The following ARHGEF3 variants were observed in gnomAD, a reference collection of about 807,000 sequenced individuals.
ARHGEF3 encodes the protein Rho guanine nucleotide exchange factor 3.
Under a neutral mutation model 63.2 loss-of-function variants are expected in ARHGEF3, and 28 were observed. That is an observed-to-expected ratio of 0.44 (90% confidence interval 0.33 to 0.61). ARHGEF3 has a LOEUF of 0.61. Among genes scored for constraint, ARHGEF3 ranks in the 20% least tolerant of loss-of-function variants. The pLI is 0.03. For missense variants in ARHGEF3, 533 were observed against 659.3 expected, an observed-to-expected ratio of 0.81 and a Z score of 2.10; for synonymous variants, 266 against 254.2, an observed-to-expected ratio of 1.05 and a Z score of -0.44.
chr3:57,065,895 A>G (rs1371923464), intron 1 of ARHGEF3, among the ~76,000 whole-genome samples: 1 of 152,166 alleles, frequency 6.6e-6, no homozygotes, highest in Non-Finnish European at 1.5e-5. Context: ...ACTTAGGCCC[A>G]TGAACTCTCA....
chr3:56,812,604 C>G (rs905022072), intron 4 of ARHGEF3, among the ~76,000 whole-genome samples: 2 of 152,216 alleles, frequency 1.3e-5, no homozygotes, highest in Non-Finnish European at 2.9e-5. Flanking sequence ...TCTTAACTTG[C>G]CATGCTCACA....
At chr3:56,869,111 G>A (rs1014372536) in intron 4 of ARHGEF3, among the ~76,000 whole-genome samples, 1 of 151,966 alleles carries the variant, frequency 6.6e-6, no homozygotes, top group Non-Finnish European at 1.5e-5. Context: ...TTAGTGCTGA[G>A]TAGAGGATTC....
intron 2 of ARHGEF3, among the ~76,000 whole-genome samples, chr3:56,764,944 A>G (rs1166934106): frequency 2.0e-5 from 3 of 151,862 alleles, no homozygotes; most frequent in African/African-American, 7.3e-5. Context: ...TTTAGTAGAG[A>G]CGGGGTTTCA....
rs114332392 is a variant in ARHGEF3 at position 56,754,677 on chromosome 3, G to A, written c.375+304C>T. On this transcript the variant is annotated intron_variant, in intron 3 of 9. Transcript: ENST00000296315. ...CTAAATATTTTAAAATAGTCTATAA[G>A]TTGCTAACAAAATATAACTAAAATG... is the stretch of plus-strand genomic sequence containing the variant. Among the ~76,000 whole-genome samples the A allele has an allele frequency of 4.0e-3, 613 of 152,296 alleles. 7 individuals are homozygous for A. The highest frequency in any genetic ancestry group is 0.014 in the African/African-American group (591 of 41,554).
intron 2 of ARHGEF3, among the ~76,000 whole-genome samples, chr3:56,764,205 G>C (rs545146036): frequency 6.6e-6 from 1 of 152,180 alleles, no homozygotes; most frequent in Non-Finnish European, 1.5e-5. Context: ...CTTAGGTGTA[G>C]AGAAAATATT....
At chr3:57,002,500 A>ATATATGTATGTATGT (rs1553802548) in intron 2 of ARHGEF3, among the ~76,000 whole-genome samples, 2 of 60,126 alleles carry the variant, frequency 3.3e-5, no homozygotes, top group Non-Finnish European at 6.7e-5. Flanking sequence ...TATATATGTT[A>ATATATGTATGTATGT]TATATATATA....
At chr3:57,074,295 G>A (rs561361618) in intron 1 of ARHGEF3, 21 of 1,585,218 alleles carry the variant, frequency 1.3e-5, no homozygotes, top group Non-Finnish European at 1.6e-5. Context: ...ACATCTGAGA[G>A]TCTGGCAGCT....
intron 2 of ARHGEF3, among the ~76,000 whole-genome samples, chr3:57,014,322 C>CA (rs1343253362): frequency 6.6e-6 from 1 of 152,188 alleles, no homozygotes; most frequent in East Asian, 1.9e-4. Flanking sequence ...ATCAAGAACA[C>CA]ACCGATTCTG....
intron 2 of ARHGEF3, among the ~76,000 whole-genome samples, chr3:57,024,536 G>A (rs1703392080): frequency 6.6e-6 from 1 of 152,238 alleles, no homozygotes; most frequent in African/African-American, 2.4e-5. Flanking sequence ...CGCCCAGGCT[G>A]GAGTGCAGTG....
intron 2 of ARHGEF3, among the ~76,000 whole-genome samples, chr3:56,967,767 A>AAT (rs779278107): frequency 5.5e-4 from 46 of 84,238 alleles, no homozygotes; most frequent in South Asian, 2.7e-3. Context: ...AATTATATAT[A>AAT]ATATATTATA....
chr3:56,803,263 CTG>C (rs2037739143), upstream of ARHGEF3, among the ~76,000 whole-genome samples: 1 of 151,842 alleles, frequency 6.6e-6, no homozygotes, highest in Non-Finnish European at 1.5e-5. Flanking sequence ...CAGTGAAACC[CTG>C]TGTCTACAAA....
At chr3:56,914,273 G>A (rs976454269) in intron 3 of ARHGEF3, among the ~76,000 whole-genome samples, 10 of 152,088 alleles carry the variant, frequency 6.6e-5, no homozygotes, top group African/African-American at 2.4e-4. Context: ...AATGACTTAT[G>A]GGAAAAAAAT....
chr3:56,874,985 A>G (rs2317255), intron 4 of ARHGEF3, among the ~76,000 whole-genome samples: 43,291 of 152,048 alleles, frequency 0.28, 6,408 homozygotes, highest in East Asian at 0.51. Context: ...AATTCATATT[A>G]GCCTGCTATA....
intron 4 of ARHGEF3, among the ~76,000 whole-genome samples, chr3:56,834,281 AAG>A (rs1317601353): frequency 2.0e-5 from 3 of 152,206 alleles, no homozygotes; most frequent in Non-Finnish European, 2.9e-5. Context: ...ATTAAATAAA[AAG>A]AGAGCTACTA....
chr3:57,072,469 G>A (rs1482688746), intron 1 of ARHGEF3, among the ~76,000 whole-genome samples: 3 of 151,450 alleles, frequency 2.0e-5, no homozygotes, highest in East Asian at 3.9e-4. Context: ...GGCCAGGTGC[G>A]GTGGCTCATG....
At chr3:57,061,670 G>A (rs951350514) in intron 1 of ARHGEF3, among the ~76,000 whole-genome samples, 4 of 152,160 alleles carry the variant, frequency 2.6e-5, no homozygotes, top group African/African-American at 7.2e-5. Context: ...GGAATTGCTG[G>A]ACTATATGAT....
chr3:56,780,567 C>T (rs537580993), intron 1 of ARHGEF3, among the ~76,000 whole-genome samples: 1 of 152,136 alleles, frequency 6.6e-6, no homozygotes, highest in Non-Finnish European at 1.5e-5. Flanking sequence ...TTTTCTGTTC[C>T]AGGATCTAAT....
At chr3:56,796,920 C>T (rs1254832674) in intron 1 of ARHGEF3, among the ~76,000 whole-genome samples, 2 of 152,154 alleles carry the variant, frequency 1.3e-5, no homozygotes, top group African/African-American at 4.8e-5. Flanking sequence ...TAATGCACTG[C>T]TGTGTGTAAA....
At chr3:56,921,457 A>C (rs963199289) in intron 3 of ARHGEF3, among the ~76,000 whole-genome samples, 15 of 152,248 alleles carry the variant, frequency 9.9e-5, no homozygotes, top group African/African-American at 3.6e-4. Context: ...CTAGGTTATC[A>C]GGGAGGCATA....
Sources: allele counts gnomAD v4.1 joint callset (sites outside exome capture counted in the v4.1 genomes callset), GRCh38; gene constraint gnomAD v4.1.1; transcripts MANE v1.5; gene names NCBI Gene and HGNC (gene_info 2026-07-23, HGNC 2026-07-21).